The following ZNF18 variants were observed in gnomAD, a reference collection of about 807,000 sequenced individuals.
ZNF18 encodes heart development-specific gene 1 protein.
ZNF18 carries 42 observed loss-of-function variants against 58.1 expected under a neutral mutation model. That is an observed-to-expected ratio of 0.72 (90% CI 0.56 to 0.93). The LOEUF is 0.93. Ranked by LOEUF, ZNF18 falls within the 40% of genes least tolerant of loss-of-function variation. The pLI, the probability that ZNF18 is intolerant of heterozygous loss-of-function variation, is 0.00. For missense variants in ZNF18, 540 were observed against 644.2 expected (o/e 0.84, Z 1.75); for synonymous variants, 231 against 239.8 (o/e 0.96, Z 0.34).
At chr17:12,007,032 A>C in the ZNF18 span, among the ~76,000 whole-genome samples, 1 of 152,028 alleles carries the variant, frequency 6.6e-6, no homozygotes, top group African/African-American at 2.4e-5. Context: ...TTACTGTTTT[A>C]TTTTATTTTG....
the ZNF18 span, among the ~76,000 whole-genome samples, chr17:12,013,851 C>T: frequency 6.6e-6 from 1 of 152,120 alleles, no homozygotes; most frequent in Non-Finnish European, 1.5e-5. Flanking sequence ...TTGCTGATAT[C>T]TGATGGTTAG....
chr17:11,982,375 G>A (rs984667280), intron 6 of ZNF18, among the ~76,000 whole-genome samples: 4 of 151,528 alleles, frequency 2.6e-5, no homozygotes, highest in Admixed American at 6.6e-5. Context: ...TTTTTTTAAC[G>A]CTGGTTGTAA....
intron 5 of ZNF18, 85 bp from the exon 6 acceptor site, chr17:11,983,492 G>T: frequency 2.0e-6 from 2 of 1,022,148 alleles, no homozygotes; most frequent in East Asian, 2.4e-5. Flanking sequence ...AGCACCCTAC[G>T]CATGAGGGAA....
chr17:12,002,084 T>C (rs1022635317), upstream of ZNF18, among the ~76,000 whole-genome samples: 4 of 152,106 alleles, frequency 2.6e-5, no homozygotes, highest in Non-Finnish European at 5.9e-5. Flanking sequence ...CAGGATCAAG[T>C]CTATTTCTTA....
At chr17:11,985,897 G>A (rs1189329972) in intron 4 of ZNF18, among the ~76,000 whole-genome samples, 1 of 152,168 alleles carries the variant, frequency 6.6e-6, no homozygotes, top group African/African-American at 2.4e-5. Context: ...AGGCTTCAGG[G>A]AATAGAAATG....
the ZNF18 span, among the ~76,000 whole-genome samples, chr17:12,004,207 G>A: frequency 1.3e-5 from 2 of 151,882 alleles, no homozygotes; most frequent in African/African-American, 2.4e-5. Context: ...CTCCAGCCTG[G>A]GTGACAGAGC....
chr17:11,998,182 C>T (rs1402600260), upstream of ZNF18, among the ~76,000 whole-genome samples: 3 of 152,190 alleles, frequency 2.0e-5, no homozygotes, highest in Non-Finnish European at 2.9e-5. Flanking sequence ...CCCTCTCTCC[C>T]TTCTCACTAT....
chr17:11,983,273 C>A (rs752300389), intron 6 of ZNF18, 24 bp downstream of exon 6: 11 of 1,558,180 alleles, frequency 7.1e-6, no homozygotes, highest in African/African-American at 2.7e-5. Context: ...AGAAATGATT[C>A]CAGACCAATG....
At chr17:12,016,782 G>A in the ZNF18 span, among the ~76,000 whole-genome samples, 1 of 151,960 alleles carries the variant, frequency 6.6e-6, no homozygotes, top group Non-Finnish European at 1.5e-5. Flanking sequence ...ATGGTAGCAT[G>A]GTATTCACCT....
At chr17:12,003,128 C>T in the ZNF18 span, among the ~76,000 whole-genome samples, 6 of 152,142 alleles carry the variant, frequency 3.9e-5, no homozygotes, top group African/African-American at 7.2e-5. Context: ...ACATACATCA[C>T]GTTTTATGTG....
chr17:11,984,539 A>G (rs977979058), intron 4 of ZNF18, among the ~76,000 whole-genome samples: 37 of 150,606 alleles, frequency 2.5e-4, no homozygotes, highest in African/African-American at 3.9e-4. Context: ...TTTTAGATGG[A>G]ATCTCACTCT....
At chr17:12,003,608 G>A in the ZNF18 span, among the ~76,000 whole-genome samples, 1 of 152,136 alleles carries the variant, frequency 6.6e-6, no homozygotes, top group Non-Finnish European at 1.5e-5. Context: ...CTCACCAAAT[G>A]AAATTTTTCC....
upstream of ZNF18, among the ~76,000 whole-genome samples, chr17:11,998,091 T>C (rs538042990): frequency 6.6e-5 from 10 of 152,080 alleles, no homozygotes; most frequent in Non-Finnish European, 1.5e-4. Flanking sequence ...CATCCCTGAC[T>C]CTTCCCTTCT....
chr17:12,015,554 T>C, the ZNF18 span, among the ~76,000 whole-genome samples: 51 of 152,364 alleles, frequency 3.3e-4, no homozygotes, highest in Non-Finnish European at 5.9e-4. Context: ...TTCCCTAATA[T>C]TTTATTTTAA....
At chr17:12,013,186 G>T in the ZNF18 span, among the ~76,000 whole-genome samples, 1 of 152,154 alleles carries the variant, frequency 6.6e-6, no homozygotes, top group Non-Finnish European at 1.5e-5. Flanking sequence ...TCTTGACATC[G>T]TGATCCACCC....
At chr17:12,006,392 A>T in the ZNF18 span, among the ~76,000 whole-genome samples, 3 of 152,328 alleles carry the variant, frequency 2.0e-5, no homozygotes, top group South Asian at 6.2e-4. Flanking sequence ...TCCCATTAGT[A>T]AAATGAGAGA....
chr17:11,984,818 T>TTTTTTG (rs910572307), intron 4 of ZNF18, among the ~76,000 whole-genome samples: 8 of 152,214 alleles, frequency 5.3e-5, no homozygotes, highest in Non-Finnish European at 1.2e-4. Flanking sequence ...GTACTATTTG[T>TTTTTTG]TTTTTGTTTT....
In ZNF18 at chr17:11,991,192, C is replaced by T. The variant is rs773677588; in HGVS notation, c.388-29G>A. 3 of 1,574,990 alleles carry T rather than the reference C, an allele frequency of 1.9e-6. No homozygotes were observed. The South Asian group carries it at 3.4e-5, about 18-fold the overall frequency. On this transcript the variant is annotated intron_variant, in intron 2 of 6. Coordinates refer to ENST00000580306, the MANE Select transcript of ZNF18 (RefSeq NM_001303281.2). Reference sequence around the variant, plus strand: ...GAGACCATATATTAATTAGTAATTACTGAAGAATCCAGAGTAAGGATCTCT... The same window carrying T: ...GAGACCATATATTAATTAGTAATTATTGAAGAATCCAGAGTAAGGATCTCT...
the ZNF18 span, chr17:12,010,957 A>G: frequency 4.3e-6 from 3 of 699,906 alleles, no homozygotes; most frequent in Non-Finnish European, 7.9e-6. Context: ...TACACACATT[A>G]ATTCTCTTGG....
Sources: allele counts gnomAD v4.1 joint callset (sites outside exome capture counted in the v4.1 genomes callset), GRCh38; gene constraint gnomAD v4.1.1; transcripts MANE v1.5; gene names NCBI Gene and HGNC (gene_info 2026-07-23, HGNC 2026-07-21).